The following ULK4 variants were observed in gnomAD, a reference collection of about 807,000 sequenced individuals.
ULK4 encodes unc-51 like kinase 4, also known as inactive serine/threonine-protein kinase ULK4.
In ULK4, 133 loss-of-function variants were observed where a neutral mutation model predicts 160.6. That is an observed-to-expected ratio of 0.83 (90% CI 0.72 to 0.96). The LOEUF (loss-of-function observed/expected upper bound fraction) is 0.96. ULK4 is among the 40% of genes least tolerant of loss of function. ULK4 has a pLI of 0.00. For synonymous variants in ULK4, 534 were observed against 539.8 expected, an observed-to-expected ratio of 0.99 and a Z score of 0.15; for missense variants, 1,580 against 1,499.5, an observed-to-expected ratio of 1.05 and a Z score of -0.89.
intron 32 of ULK4, among the ~76,000 whole-genome samples, chr3:41,467,364 T>C (rs1036390015): frequency 3.3e-5 from 5 of 152,042 alleles, no homozygotes; most frequent in African/African-American, 7.2e-5. Context: ...CCATCTCTAC[T>C]AAAAGTACAA....
At chr3:41,385,058 TA>T (rs201664339) in intron 35 of ULK4, among the ~76,000 whole-genome samples, 11 of 146,786 alleles carry the variant, frequency 7.5e-5, no homozygotes, top group South Asian at 2.2e-4. Context: ...TCTCAAAAAA[TA>T]AAAAAAAAAG....
intron 32 of ULK4, among the ~76,000 whole-genome samples, chr3:41,557,365 G>A (rs1024775107): frequency 5.9e-5 from 9 of 151,636 alleles, no homozygotes; most frequent in African/African-American, 2.2e-4. Context: ...TTATATGACT[G>A]GGAAACTAAG....
At chr3:41,489,396 T>G (rs977492903) in intron 32 of ULK4, among the ~76,000 whole-genome samples, 1 of 152,146 alleles carries the variant, frequency 6.6e-6, no homozygotes, top group African/African-American at 2.4e-5. Context: ...GGTAATGAGG[T>G]CCTCAGAAGA....
intron 17 of ULK4, among the ~76,000 whole-genome samples, chr3:41,859,081 TTCTA>T (rs1264198584): frequency 1.3e-5 from 2 of 152,198 alleles, no homozygotes; most frequent in Non-Finnish European, 1.5e-5. Flanking sequence ...GAAGACAATC[TTCTA>T]TCTCAGAAGA....
intron 30 of ULK4, among the ~76,000 whole-genome samples, chr3:41,642,795 C>A (rs1234714149): frequency 6.6e-6 from 1 of 152,226 alleles, no homozygotes; most frequent in East Asian, 1.9e-4. Flanking sequence ...AACTGGTTTA[C>A]AGTCCCACCA....
chr3:41,822,149 G>C (rs2041167133), intron 18 of ULK4, among the ~76,000 whole-genome samples: 1 of 152,016 alleles, frequency 6.6e-6, no homozygotes, highest in African/African-American at 2.4e-5. Flanking sequence ...TTGCTCTTCG[G>C]ATCAAGACCA....
intron 32 of ULK4, among the ~76,000 whole-genome samples, chr3:41,481,476 A>G (rs1427569784): frequency 6.6e-6 from 1 of 152,180 alleles, no homozygotes; most frequent in Non-Finnish European, 1.5e-5. Flanking sequence ...CAGATTAATA[A>G]CATTTACTAA....
At chr3:41,763,405 C>T (rs988303602) in intron 21 of ULK4, among the ~76,000 whole-genome samples, 14 of 152,000 alleles carry the variant, frequency 9.2e-5, no homozygotes, top group Admixed American at 5.9e-4. Flanking sequence ...AAATAGATAA[C>T]TTACTAGCTA....
chr3:41,402,497 C>T (rs1287017814), intron 34 of ULK4, among the ~76,000 whole-genome samples: 1 of 152,124 alleles, frequency 6.6e-6, no homozygotes, highest in African/African-American at 2.4e-5. Context: ...GTAAATTTTT[C>T]ATAGATGCCC....
chr3:41,345,497 C>G (rs2080779671), intron 35 of ULK4, among the ~76,000 whole-genome samples: 1 of 152,160 alleles, frequency 6.6e-6, no homozygotes, highest in Non-Finnish European at 1.5e-5. Context: ...AGTTGCAAGC[C>G]ATTATCCTCA....
At chr3:41,816,055 A>T (rs574953560) in intron 19 of ULK4, among the ~76,000 whole-genome samples, 6 of 152,078 alleles carry the variant, frequency 3.9e-5, no homozygotes, top group African/African-American at 7.2e-5. Context: ...GTTCAAGACC[A>T]GCCTGGGCAA....
intron 31 of ULK4, among the ~76,000 whole-genome samples, chr3:41,607,842 T>C (rs552121662): frequency 3.5e-4 from 54 of 152,316 alleles, no homozygotes; most frequent in South Asian, 1.7e-3. Context: ...ATGCACACTC[T>C]ACCACTGCTG....
intron 30 of ULK4, among the ~76,000 whole-genome samples, chr3:41,659,190 C>T (rs1274619000): frequency 4.6e-5 from 7 of 152,226 alleles, no homozygotes; most frequent in Non-Finnish European, 1.0e-4. Flanking sequence ...ACCTGGAAAA[C>T]TCCTTTGTGG....
At chr3:41,634,072 G>A (rs2033856229) in intron 30 of ULK4, among the ~76,000 whole-genome samples, 2 of 152,184 alleles carry the variant, frequency 1.3e-5, no homozygotes, top group Non-Finnish European at 2.9e-5. Flanking sequence ...TAGCAACCCT[G>A]CCCTAACAGG....
intron 17 of ULK4, among the ~76,000 whole-genome samples, chr3:41,853,155 T>TA (rs575423549): frequency 2.4e-3 from 322 of 136,482 alleles, no homozygotes; most frequent in African/African-American, 9.6e-3. Flanking sequence ...TGTAAAAACA[T>TA]AGATTGCAAA....
intron 17 of ULK4, 126 bp downstream of exon 17, chr3:41,883,748 G>A: frequency 1.1e-6 from 1 of 886,676 alleles, no homozygotes; most frequent in South Asian, 1.4e-5. Flanking sequence ...AACAGTTTTA[G>A]AACGATTGCC....
At chr3:41,506,766 A>AT (rs1387888735) in intron 32 of ULK4, among the ~76,000 whole-genome samples, 3 of 108,540 alleles carry the variant, frequency 2.8e-5, no homozygotes, top group African/African-American at 1.1e-4. Flanking sequence ...GTGTGATTTA[A>AT]AATATATATA....
At chr3:41,270,540 T>C (rs1305506899) in intron 35 of ULK4, among the ~76,000 whole-genome samples, 1 of 152,220 alleles carries the variant, frequency 6.6e-6, no homozygotes. Flanking sequence ...GGGAAGGAAT[T>C]ACCATTTTAA....
At chr3:41,934,233 A>T (rs991718083) in intron 4 of ULK4, among the ~76,000 whole-genome samples, 3 of 152,214 alleles carry the variant, frequency 2.0e-5, no homozygotes, top group African/African-American at 7.2e-5. Flanking sequence ...AGCTGCTTTC[A>T]GCACTACAAT....
Sources: gnomAD v4.1 joint callset for allele counts (sites outside exome capture counted in the v4.1 genomes callset) on GRCh38, gnomAD v4.1.1 for gene constraint, MANE v1.5 for transcripts, NCBI Gene and HGNC (gene_info 2026-07-23, HGNC 2026-07-21) for gene names.